Variants in ERG observed in about 807,000 individuals in gnomAD.
ERG encodes ETS transcription factor ERG.
Under a neutral mutation model 55.3 loss-of-function variants are expected in ERG, and 9 were observed. The ratio of observed to expected loss-of-function variants is 0.16; its 90% CI spans 0.10 to 0.28. ERG has a LOEUF of 0.28. Ranked by LOEUF, ERG falls within the 10% of genes least tolerant of loss-of-function variation. The probability of loss-of-function intolerance (pLI) is 1.00; values close to 1 mark genes in which losing one functional copy is unlikely to be tolerated. For synonymous variants in ERG, 223 were observed against 237.3 expected (o/e 0.94, Z 0.55); for missense variants, 434 against 631.6 (o/e 0.69, Z 3.35).
At position 38,551,703 on chromosome 21, in the gene ERG, C is replaced by T. The variant is rs112654799; in HGVS notation, c.-41+23959G>A. On this transcript the variant is annotated intron_variant, in intron 2 of 8. Transcript: ENST00000398897. ...TTTACCGTGCTGTGGTCTGAAAGTA[C>T]GGCTAGTATGATTTCAGGGTTTTTT... Among the ~76,000 whole-genome samples, 1,066 of 152,188 alleles carry T rather than the reference C, an allele frequency of 7.0e-3. 13 individuals carry two copies. Among genetic ancestry groups the T allele is most frequent in the African/African-American group, 0.024 (1,007 of 41,534 alleles).
At chr21:38,508,397 A>G (rs2059485924) in intron 2 of ERG, among the ~76,000 whole-genome samples, 1 of 151,556 alleles carries the variant, frequency 6.6e-6, no homozygotes, top group African/African-American at 2.4e-5. Context: ...TGGATAGTCA[A>G]TAAAAAAAAA....
At chr21:38,421,333 A>G (rs182587593) in intron 3 of ERG, among the ~76,000 whole-genome samples, 15 of 152,308 alleles carry the variant, frequency 9.8e-5, no homozygotes, top group Admixed American at 7.2e-4. Flanking sequence ...GAAATCAGGC[A>G]CAACCCCAAA....
At chr21:38,550,296 G>A (rs1278382615) in intron 2 of ERG, among the ~76,000 whole-genome samples, 1 of 152,152 alleles carries the variant, frequency 6.6e-6, no homozygotes, top group Non-Finnish European at 1.5e-5. Flanking sequence ...AGCAGGAGCT[G>A]AGGGTCCTGG....
At chr21:38,428,165 A>G (rs1989923965) in intron 2 of ERG, among the ~76,000 whole-genome samples, 1 of 140,558 alleles carries the variant, frequency 7.1e-6, no homozygotes, top group Non-Finnish European at 1.6e-5. Context: ...TGGACAACAG[A>G]GCAAAACCGT....
At chr21:38,555,997 C>T (rs971090822) in intron 2 of ERG, among the ~76,000 whole-genome samples, 1 of 152,034 alleles carries the variant, frequency 6.6e-6, no homozygotes, top group Non-Finnish European at 1.5e-5. Flanking sequence ...AAGATAGTTA[C>T]AGGATATTCA....
At chr21:38,444,162 C>A (rs1411005006) in intron 2 of ERG, among the ~76,000 whole-genome samples, 1 of 152,164 alleles carries the variant, frequency 6.6e-6, no homozygotes, top group Non-Finnish European at 1.5e-5. Flanking sequence ...TTATAATAAA[C>A]CTTTTTAGCG....
At chr21:38,493,908 C>G (rs2059358582) in intron 1 of ERG, among the ~76,000 whole-genome samples, 2 of 152,232 alleles carry the variant, frequency 1.3e-5, no homozygotes, top group South Asian at 4.1e-4. Flanking sequence ...ACAGCTGAAG[C>G]TGGGCCGTGG....
intron 2 of ERG, among the ~76,000 whole-genome samples, chr21:38,554,417 C>G (rs1188574990): frequency 1.3e-5 from 2 of 152,174 alleles, no homozygotes. Flanking sequence ...TAGAACCAAT[C>G]TAGAAGTCCA....
downstream of ERG, among the ~76,000 whole-genome samples, chr21:38,375,681 C>T (rs977547269): frequency 4.6e-5 from 7 of 152,302 alleles, no homozygotes; most frequent in Admixed American, 1.3e-4. Flanking sequence ...GACCTCAAAA[C>T]ATAGTGTTCA....
chr21:38,609,437 A>G (rs1195225122), intron 1 of ERG, among the ~76,000 whole-genome samples: 1 of 152,204 alleles, frequency 6.6e-6, no homozygotes, highest in African/African-American at 2.4e-5. Context: ...TCGACACTGG[A>G]AAAAAACAAA....
Position 38,498,352 on chromosome 21 carries a change from C to G in ERG, c.18+11G>C. 1 of 1,598,820 alleles carries G rather than the reference C, an allele frequency of 6.3e-7. No homozygotes were observed. The highest frequency in any genetic ancestry group is 8.6e-7 in the Non-Finnish European group (1 of 1,168,200). ...AAGATTTTGTCAAATTAAAAGGAAC[C>G]CTTTCCTTACCTTAATAGTGCTGGC... On this transcript the variant is annotated intron_variant, in intron 1 of 9. Transcript: ENST00000288319. The surrounding 1 kb of genome is among the most constrained non-coding windows in gnomAD (Gnocchi z 4.6).
At chr21:38,649,685 A>G (rs2836596) in intron 1 of ERG, among the ~76,000 whole-genome samples, 10,511 of 152,314 alleles carry the variant, frequency 0.069, 1,207 homozygotes, top group African/African-American at 0.24. Flanking sequence ...TCAAGTGGAC[A>G]TGCAGGAGGC....
intron 2 of ERG, among the ~76,000 whole-genome samples, chr21:38,537,447 T>A (rs1023926471): frequency 1.0e-3 from 156 of 151,452 alleles, no homozygotes; most frequent in Non-Finnish European, 1.2e-3. Flanking sequence ...AAAAAATATA[T>A]ATATATATGT....
In ERG at chr21:38,383,931, G is replaced by A. The variant is rs2146413156; in HGVS notation, c.920-8C>T. ...GCTGGATCTGGCCACTGCCTAATGAGGTCAGGAGAGGAAGGAAAACTCCAG... is the reference window on the plus strand; with the variant it reads ...GCTGGATCTGGCCACTGCCTAATGAAGTCAGGAGAGGAAGGAAAACTCCAG... On this transcript the variant is annotated splice_region_variant and splice_polypyrimidine_tract_variant and intron_variant, in intron 9 of 9. Coordinates refer to ENST00000288319, the MANE Select transcript of ERG (RefSeq NM_182918.4). This position sits in a 1 kb window ranked among gnomAD's most constrained non-coding sequence, Gnocchi z 5.7. 6.2e-7 allele frequency: 1 copy of A among 1,605,722 alleles called. No individual in the cohort carries two copies. The highest frequency in any genetic ancestry group is 8.5e-7 in the Non-Finnish European group (1 of 1,175,328).
chr21:38,575,249 C>A (rs2059987717), intron 2 of ERG, among the ~76,000 whole-genome samples: 1 of 152,160 alleles, frequency 6.6e-6, no homozygotes, highest in Admixed American at 6.5e-5. Flanking sequence ...GGAATTATAA[C>A]AGGAGTTAGA....
chr21:38,423,340 T>C (rs1007120204), intron 3 of ERG, 70 bp downstream of exon 3: 1 of 1,501,774 alleles, frequency 6.7e-7, no homozygotes, highest in East Asian at 2.3e-5. Context: ...GGAGAAGAGC[T>C]CCCTGAGGCT....
chr21:38,417,192 G>A (rs1989317629), intron 3 of ERG, among the ~76,000 whole-genome samples: 1 of 152,220 alleles, frequency 6.6e-6, no homozygotes, highest in African/African-American at 2.4e-5. Context: ...AAAGGTCCTA[G>A]CACAGGGGTC....
In ERG at chr21:38,416,899, G is replaced by GGCAGAGGAAAACGGCAGAGGCT. The variant is rs1451985508; in HGVS notation, c.388+6489_388+6510dup. Among the ~76,000 whole-genome samples, 3 of 152,190 alleles carry GGCAGAGGAAAACGGCAGAGGCT rather than the reference G, an allele frequency of 2.0e-5. No individual in the cohort carries two copies. The East Asian group carries it at 5.8e-4, about 29-fold the overall frequency. On this transcript the variant is annotated intron_variant, in intron 3 of 9. Transcript: ENST00000288319. ...AATGCAGCGCGTGAGTTGGGGATGT[G>GGCAGAGGAAAACGGCAGAGGCT]GCAGAGGAAAACGGCAGAGGCTGCA...
At chr21:38,486,422 C>T (rs1322000905) in intron 1 of ERG, among the ~76,000 whole-genome samples, 1 of 152,174 alleles carries the variant, frequency 6.6e-6, no homozygotes, top group Non-Finnish European at 1.5e-5. Context: ...TGTGTAAGTG[C>T]TCTTTGTGAT....
Sources: allele counts gnomAD v4.1 joint callset (sites outside exome capture counted in the v4.1 genomes callset), GRCh38; gene constraint gnomAD v4.1.1; non-coding constraint Gnocchi (gnomAD v3.1); transcripts MANE v1.5; gene names NCBI Gene and HGNC (gene_info 2026-07-23, HGNC 2026-07-21).